The following DISC1 variants were observed in gnomAD, a reference collection of about 807,000 sequenced individuals.
DISC1 encodes the protein DISC1 scaffold protein.
A neutral mutation model predicts 84.5 loss-of-function variants in DISC1; 57 were observed. That is an observed-to-expected ratio of 0.67 (90% CI 0.55 to 0.84). The LOEUF is 0.84. DISC1 is among the 40% of genes least tolerant of loss of function. DISC1 has a pLI of 0.00. For missense variants in DISC1, 1,000 were observed against 1,057.8 expected, an observed-to-expected ratio of 0.95 and a Z score of 0.76; for synonymous variants, 411 against 415.2, an observed-to-expected ratio of 0.99 and a Z score of 0.12.
chr1:231,849,965 G>A (rs1457652697), intron 9 of DISC1, among the ~76,000 whole-genome samples: 3 of 152,236 alleles, frequency 2.0e-5, no homozygotes, highest in Non-Finnish European at 4.4e-5. Flanking sequence ...GCATGAGACA[G>A]ACTCTGTACA....
At chr1:231,685,822 C>T (rs2125589571) in intron 1 of DISC1, among the ~76,000 whole-genome samples, 1 of 152,294 alleles carries the variant, frequency 6.6e-6, no homozygotes, top group East Asian at 1.9e-4. Context: ...TTCCCATCTG[C>T]CCATGAGCCT....
chr1:232,032,815 C>T (rs904357596), intron 12 of DISC1, among the ~76,000 whole-genome samples: 1 of 152,114 alleles, frequency 6.6e-6, no homozygotes, highest in African/African-American at 2.4e-5. Context: ...GCCTAAAATT[C>T]CAATTGTTTT....
intron 7 of DISC1, among the ~76,000 whole-genome samples, chr1:231,799,676 G>C (rs1267217717): frequency 6.6e-6 from 1 of 151,734 alleles, no homozygotes; most frequent in African/African-American, 2.4e-5. Context: ...GCCTGGAGAA[G>C]GCAGGAGGCA....
At chr1:231,705,317 T>TA in intron 3 of DISC1, among the ~76,000 whole-genome samples, 1 of 39,826 alleles carries the variant, frequency 2.5e-5, no homozygotes, top group Admixed American at 2.9e-4. Context: ...AAAAAAAAAA[T>TA]CATTAAAAAA....
At chr1:231,876,849 T>C (rs1041447527) in intron 9 of DISC1, among the ~76,000 whole-genome samples, 2 of 152,174 alleles carry the variant, frequency 1.3e-5, no homozygotes, top group Non-Finnish European at 2.9e-5. Flanking sequence ...ACTTTGTCCC[T>C]CCCACCTTTC....
intron 1 of DISC1, among the ~76,000 whole-genome samples, chr1:231,685,716 G>T (rs1278638014): frequency 6.6e-6 from 1 of 152,146 alleles, no homozygotes; most frequent in Non-Finnish European, 1.5e-5. Flanking sequence ...CTCCCAAAGA[G>T]CTGGGATTAC....
Position 231,962,354 on chromosome 1 carries a change from C to CT in DISC1, c.2042+3471dup, listed in dbSNP as rs1660501816. On this transcript the variant is annotated intron_variant, in intron 10 of 12. Transcript: ENST00000439617. ...TGTCTGTTTACTCTGTTGATAATTT[C>CT]TTTTTCTGTGCAGAAATGGTTTAGT... 2.0e-5 allele frequency among the ~76,000 whole-genome samples: 3 copies of CT among 152,114 alleles called. No homozygotes were observed. In the South Asian group the frequency reaches 6.2e-4, roughly 32 times the overall value.
chr1:231,843,484 C>A (rs1336493532), intron 9 of DISC1, among the ~76,000 whole-genome samples: 1 of 152,178 alleles, frequency 6.6e-6, no homozygotes, highest in African/African-American at 2.4e-5. Flanking sequence ...ACACTGGGTC[C>A]AGCTGCAGAA....
At chr1:231,649,617 C>A (rs1212136916) in intron 1 of DISC1, among the ~76,000 whole-genome samples, 3 of 152,106 alleles carry the variant, frequency 2.0e-5, no homozygotes, top group East Asian at 1.9e-4. Context: ...ATCCTTTTAA[C>A]CTTCTGTCTT....
chr1:232,012,872 G>A (rs938341227), intron 11 of DISC1, among the ~76,000 whole-genome samples: 3 of 152,158 alleles, frequency 2.0e-5, no homozygotes, highest in African/African-American at 7.2e-5. Flanking sequence ...TGTTACAGAG[G>A]AAGTCAGCAA....
chr1:232,012,360 G>T (rs1435944576), intron 11 of DISC1, among the ~76,000 whole-genome samples: 1 of 152,174 alleles, frequency 6.6e-6, no homozygotes, highest in Admixed American at 6.5e-5. Flanking sequence ...GTTTGTATTC[G>T]GGTCCAGGAT....
chr1:231,770,709 C>G, intron 5 of DISC1, 126 bp from the exon 6 acceptor site: 1 of 1,497,706 alleles, frequency 6.7e-7, no homozygotes, highest in Non-Finnish European at 9.1e-7. Context: ...ATCTGCCTGC[C>G]TCAGAAGGGG....
intron 10 of DISC1, among the ~76,000 whole-genome samples, chr1:232,004,128 A>G (rs937321097): frequency 4.9e-4 from 74 of 151,996 alleles, no homozygotes; most frequent in African/African-American, 1.8e-3. Context: ...ATTTCAAAAG[A>G]GGAAAATATG....
chr1:231,668,312 A>G (rs2062218650), intron 1 of DISC1, among the ~76,000 whole-genome samples: 1 of 152,236 alleles, frequency 6.6e-6, no homozygotes, highest in Non-Finnish European at 1.5e-5. Flanking sequence ...TATGCTGTAT[A>G]GTACAGCATA....
chr1:231,737,613 C>T (rs1419361180), intron 3 of DISC1, among the ~76,000 whole-genome samples: 2 of 152,162 alleles, frequency 1.3e-5, no homozygotes, highest in Admixed American at 6.5e-5. Context: ...ACAGGATTCA[C>T]ACAAATGAGG....
chr1:231,871,303 G>A (rs1175560421), intron 9 of DISC1, among the ~76,000 whole-genome samples: 2 of 152,158 alleles, frequency 1.3e-5, no homozygotes, highest in Non-Finnish European at 2.9e-5. Flanking sequence ...ACCTAATGTG[G>A]GAAGAGAGAA....
In DISC1 at chr1:231,694,319, C is replaced by G; in HGVS notation, c.561C>G (p.Cys187Trp). The change falls in exon 2 of 13, where the codon TGC becomes TGG. Residue 187 changes from cysteine to tryptophan, a missense_variant. This residue lies in a region of DISC1 where 292 missense variants were observed against 280.2 expected (regional missense o/e 1.04). Transcript: ENST00000439617. ...LPSAELSSNS[C>W]SPGCGPEVPP... ...CAGCAGAGTTGAGTAGCAACAGCTG[C>G]AGCCCTGGCTGTGGCCCTGAGGTCC... 1 of 1,614,256 alleles carries G rather than the reference C, an allele frequency of 6.2e-7. No individual in the cohort carries two copies. Among genetic ancestry groups the G allele is most frequent in the Non-Finnish European group, 8.5e-7 (1 of 1,180,038 alleles).
At chr1:231,643,093 C>G (rs2059857202) in intron 1 of DISC1, among the ~76,000 whole-genome samples, 1 of 152,168 alleles carries the variant, frequency 6.6e-6, no homozygotes, top group Non-Finnish European at 1.5e-5. Flanking sequence ...AAGTTGGGGA[C>G]TTGGCAGGCC....
chr1:232,037,602 C>G lies in DISC1; in HGVS notation c.*771C>G, dbSNP rs1234567237. On this transcript the variant is annotated 3_prime_UTR_variant, in exon 13 of 13. Transcript: ENST00000439617. Reference sequence around the variant, plus strand: ...GAGCCTGTTCCATTTTCCCGTGGAACCTGTTTCACTCAATGCCAGGCAGTG... The same window carrying G: ...GAGCCTGTTCCATTTTCCCGTGGAAGCTGTTTCACTCAATGCCAGGCAGTG... 2 of 152,268 alleles carry G rather than the reference C, an allele frequency of 1.3e-5. No individual in the cohort carries two copies. The highest frequency in any genetic ancestry group is 4.8e-5 in the African/African-American group (2 of 41,458). 9.4% of individuals were successfully genotyped at this position (152,268 alleles called of 1,614,324 possible). A position where few individuals can be genotyped will look rare whatever the true frequency, so the allele number is the denominator to read the frequency against.
Sources: gnomAD v4.1 joint callset for allele counts (sites outside exome capture counted in the v4.1 genomes callset) on GRCh38, gnomAD v4.1.1 for gene constraint, gnomAD v4.1.1 regional missense constraint, MANE v1.5 for transcripts, NCBI Gene and HGNC (gene_info 2026-07-23, HGNC 2026-07-21) for gene names.